TAF4B: variants seen among roughly 807,000 people sequenced by gnomAD.
The protein encoded by TAF4B is TATA-box binding protein associated factor 4b, also known as transcription initiation factor TFIID subunit 4B.
TAF4B carries 38 observed loss-of-function variants against 86.4 expected under a neutral mutation model. That is an observed-to-expected ratio of 0.44 (90% CI 0.34 to 0.58). The LOEUF (loss-of-function observed/expected upper bound fraction) is 0.58, where lower values mean the gene tolerates loss of function less well. TAF4B is among the 20% of genes least tolerant of loss of function. The pLI, the probability that TAF4B is intolerant of heterozygous loss-of-function variation, is 0.02. For missense variants in TAF4B, 988 were observed against 1,027.6 expected, an observed-to-expected ratio of 0.96 and a Z score of 0.53; for synonymous variants, 388 against 391.2, an observed-to-expected ratio of 0.99 and a Z score of 0.10.
chr18:26,259,843 C>CT (rs2056138889), intron 1 of TAF4B, among the ~76,000 whole-genome samples: 1 of 146,778 alleles, frequency 6.8e-6, no homozygotes, highest in Admixed American at 6.7e-5. Flanking sequence ...GTTCTAGATC[C>CT]TTGAGGAATT....
chr18:26,314,345 C>T (rs1284344868), intron 9 of TAF4B, among the ~76,000 whole-genome samples: 2 of 152,096 alleles, frequency 1.3e-5, no homozygotes, highest in Non-Finnish European at 2.9e-5. Context: ...CTCTTCTTTA[C>T]CCTTAAATAT....
chr18:26,328,225 C>T (rs1390174574), intron 12 of TAF4B, among the ~76,000 whole-genome samples: 3 of 152,020 alleles, frequency 2.0e-5, no homozygotes, highest in African/African-American at 7.3e-5. Context: ...CTGAGGTGGG[C>T]GGATCACGAG....
chr18:26,269,270 T>G (rs780085580), intron 3 of TAF4B, among the ~76,000 whole-genome samples: 16 of 152,216 alleles, frequency 1.1e-4, no homozygotes, highest in East Asian at 5.8e-4. Context: ...CATTCATGCT[T>G]CTTCTCCTTG....
At chr18:26,228,913 T>C (rs1019614012) in intron 1 of TAF4B, among the ~76,000 whole-genome samples, 6 of 152,180 alleles carry the variant, frequency 3.9e-5, no homozygotes, top group African/African-American at 1.4e-4. Flanking sequence ...TTGTTGGTCA[T>C]AATAGGTAGG....
intron 13 of TAF4B, among the ~76,000 whole-genome samples, chr18:26,346,843 G>GTA (rs1195509522): frequency 7.0e-4 from 12 of 17,226 alleles, no homozygotes; most frequent in East Asian, 3.7e-3. Context: ...ATATGTGTGT[G>GTA]TGTATATATA....
chr18:26,304,651 A>G, intron 9 of TAF4B: 2 of 895,994 alleles, frequency 2.2e-6, no homozygotes, highest in Non-Finnish European at 2.7e-6. Flanking sequence ...CAGGAGTCTC[A>G]GATACACTTT....
intron 9 of TAF4B, among the ~76,000 whole-genome samples, chr18:26,303,212 C>A (rs1421876220): frequency 1.7e-5 from 2 of 115,420 alleles, no homozygotes; most frequent in Non-Finnish European, 3.6e-5. Flanking sequence ...CACTTTCATA[C>A]CCCCTCCACT....
intron 9 of TAF4B, among the ~76,000 whole-genome samples, chr18:26,296,006 G>GTA (rs2056658103): frequency 6.6e-6 from 1 of 151,842 alleles, no homozygotes; most frequent in Non-Finnish European, 1.5e-5. Context: ...GTGTGTGTGT[G>GTA]TGTGTTTCAG....
intron 13 of TAF4B, 52 bp from the exon 14 acceptor site, chr18:26,357,638 C>CT: frequency 7.8e-7 from 1 of 1,278,448 alleles, no homozygotes; most frequent in South Asian, 1.4e-5. Flanking sequence ...TTCTTTTTCC[C>CT]TCTGAGCATG....
chr18:26,366,675 G>T (rs573415738), intron 14 of TAF4B, among the ~76,000 whole-genome samples: 1 of 152,150 alleles, frequency 6.6e-6, no homozygotes, highest in South Asian at 2.1e-4. Flanking sequence ...GGAAACAATA[G>T]AAGAATATTT....
intron 14 of TAF4B, among the ~76,000 whole-genome samples, chr18:26,365,524 G>A (rs2057366031): frequency 6.6e-6 from 1 of 152,280 alleles, no homozygotes; most frequent in African/African-American, 2.4e-5. Flanking sequence ...TCCATGAACC[G>A]TAGGAACTCT....
Position 26,348,783 on chromosome 18 carries a change from C to G in TAF4B, c.2317-8907C>G, listed in dbSNP as rs912167166. The stretch of plus-strand genomic sequence containing the variant: ...TAATCCATACTGAAGAGAAACCTTA[C>G]AACTGCAATGAATGTGGCAAGATCT... On this transcript the variant is annotated intron_variant, in intron 13 of 14. Coordinates refer to ENST00000269142, the MANE Select transcript of TAF4B (RefSeq NM_005640.3). 2.6e-5 allele frequency: 4 copies of G among 154,378 alleles called. No individual in the cohort carries two copies. In the Admixed American group the frequency reaches 2.6e-4, roughly 10 times the overall value. 9.6% of individuals were successfully genotyped at this position (154,378 alleles called of 1,614,324 possible).
chr18:26,384,812 T>C (rs1325737082), intron 14 of TAF4B, among the ~76,000 whole-genome samples: 1 of 152,186 alleles, frequency 6.6e-6, no homozygotes, highest in East Asian at 1.9e-4. Flanking sequence ...AGATAATTAG[T>C]GTTACTATCC....
At chr18:26,257,813 A>G (rs559593389) in intron 1 of TAF4B, among the ~76,000 whole-genome samples, 19 of 150,094 alleles carry the variant, frequency 1.3e-4, no homozygotes, top group African/African-American at 3.9e-4. Context: ...TTTCTTTCAT[A>G]TAGTTCATTT....
chr18:26,261,172 ATTTTTTTTTTTTT>A (rs71169839), intron 1 of TAF4B, among the ~76,000 whole-genome samples: 24 of 77,116 alleles, frequency 3.1e-4, no homozygotes, highest in Middle Eastern at 9.8e-3. Flanking sequence ...GAGCACTGTC[ATTTTTTTTTTTTT>A]TTTTTTTTTT....
chr18:26,346,785 A>ATATATATATATGTG lies in TAF4B; in HGVS notation c.2317-10894_2317-10893insGTGTATATATATAT, dbSNP rs2057188208. 1.4e-4 allele frequency among the ~76,000 whole-genome samples: 3 copies of ATATATATATATGTG among 21,428 alleles called. 1 individual carries two copies. Among genetic ancestry groups the ATATATATATATGTG allele is most frequent in the South Asian group, 3.1e-3 (2 of 654 alleles). The allele number at this position is 21,428 out of a possible 152,430, so 14.1% of individuals were successfully genotyped here. On this transcript the variant is annotated intron_variant, in intron 13 of 14. Transcript: ENST00000269142. ...TATATATATATATATGTGTGTGTAT[A>ATATATATATATGTG]TATATATATATATGTGTATATATAT... is the stretch of plus-strand genomic sequence containing the variant.
chr18:26,256,373 A>G lies in TAF4B; in HGVS notation c.344-8797A>G, dbSNP rs567592452. 22 of 1,370,366 alleles carry G rather than the reference A, an allele frequency of 1.6e-5. No individual in the cohort carries two copies. In the South Asian group the frequency reaches 2.1e-4, roughly 13 times the overall value. The allele number at this position is 1,370,366 out of a possible 1,614,324, so 84.9% of individuals were successfully genotyped here. ...AACCAAACATCTTTTCTTCTGGGCAAAAGTCTTCCAAAAGCAGCCGTTCCA... is the reference window on the plus strand; with the variant it reads ...AACCAAACATCTTTTCTTCTGGGCAGAAGTCTTCCAAAAGCAGCCGTTCCA... On this transcript the variant is annotated intron_variant, in intron 1 of 14. Coordinates refer to ENST00000269142, the MANE Select transcript of TAF4B (RefSeq NM_005640.3).
At chr18:26,388,182 A>G (rs1331695978) in intron 14 of TAF4B, among the ~76,000 whole-genome samples, 1 of 152,248 alleles carries the variant, frequency 6.6e-6, no homozygotes, top group East Asian at 1.9e-4. Context: ...AAAAAGAATT[A>G]AAGGATTTCA....
chr18:26,259,913 G>A (rs2056140086), intron 1 of TAF4B, among the ~76,000 whole-genome samples: 1 of 152,194 alleles, frequency 6.6e-6, no homozygotes. Flanking sequence ...GTGTAAAAGT[G>A]TGCCTATTTC....
Sources: gnomAD v4.1 joint callset for allele counts (sites outside exome capture counted in the v4.1 genomes callset) on GRCh38, gnomAD v4.1.1 for gene constraint, MANE v1.5 for transcripts, NCBI Gene and HGNC (gene_info 2026-07-23, HGNC 2026-07-21) for gene names.